CDKAL1: variants seen among roughly 807,000 people sequenced by gnomAD.
CDKAL1 encodes the protein threonylcarbamoyladenosine tRNA methylthiotransferase.
CDKAL1 carries 32 observed loss-of-function variants against 68.2 expected under a neutral mutation model. The ratio of observed to expected loss-of-function variants is 0.47; its 90% CI spans 0.35 to 0.63. The LOEUF (loss-of-function observed/expected upper bound fraction) is 0.63. Among genes scored for constraint, CDKAL1 ranks in the 30% least tolerant of loss-of-function variants. The probability of loss-of-function intolerance (pLI) is 0.00; values close to 1 mark genes in which losing one functional copy is unlikely to be tolerated. For missense variants in CDKAL1, 606 were observed against 696.7 expected (o/e 0.87, Z 1.47); for synonymous variants, 234 against 244.3 (o/e 0.96, Z 0.39).
intron 4 of CDKAL1, among the ~76,000 whole-genome samples, chr6:20,638,616 T>TAA (rs1491571916): frequency 1.5e-3 from 3 of 1,974 alleles, no homozygotes; most frequent in African/African-American, 0.017. Context: ...TTAGAGATTC[T>TAA]TTTTTTTTTT....
chr6:20,839,621 G>T (rs1341760092), intron 8 of CDKAL1, among the ~76,000 whole-genome samples: 1 of 152,074 alleles, frequency 6.6e-6, no homozygotes, highest in Admixed American at 6.6e-5. Context: ...TTTATACCCT[G>T]TGTAGGGTCC....
At chr6:20,678,057 G>A (rs1770198232) in intron 5 of CDKAL1, among the ~76,000 whole-genome samples, 1 of 149,466 alleles carries the variant, frequency 6.7e-6, no homozygotes, top group African/African-American at 2.5e-5. Context: ...CTGTTATTAG[G>A]TAGTAACACT....
intron 4 of CDKAL1, among the ~76,000 whole-genome samples, chr6:20,584,383 G>A (rs765219947): frequency 4.1e-4 from 63 of 152,208 alleles, no homozygotes; most frequent in Non-Finnish European, 6.6e-4. Context: ...GTGTCTGAGA[G>A]GTGAGTTAAA....
intron 4 of CDKAL1, among the ~76,000 whole-genome samples, chr6:20,608,926 A>G (rs1168894056): frequency 6.6e-6 from 1 of 152,212 alleles, no homozygotes; most frequent in African/African-American, 2.4e-5. Context: ...TCTTTTCACA[A>G]TGAGGCAAAA....
At chr6:20,696,503 A>G (rs908239105) in intron 5 of CDKAL1, among the ~76,000 whole-genome samples, 2 of 152,258 alleles carry the variant, frequency 1.3e-5, no homozygotes, top group East Asian at 3.8e-4. Flanking sequence ...GTGTAAAACT[A>G]GAATACAGAC....
chr6:20,782,481 C>G (rs1354557502), intron 8 of CDKAL1, among the ~76,000 whole-genome samples: 1 of 152,082 alleles, frequency 6.6e-6, no homozygotes, highest in African/African-American at 2.4e-5. Flanking sequence ...GTTTGCTTTC[C>G]CCTTCCTCAG....
chr6:20,994,722 T>C (rs1192531101), intron 10 of CDKAL1, among the ~76,000 whole-genome samples: 1 of 152,204 alleles, frequency 6.6e-6, no homozygotes, highest in Admixed American at 6.5e-5. Flanking sequence ...TATATTATAG[T>C]CTAGTAAGTA....
At chr6:20,832,765 T>C (rs1312287884) in intron 8 of CDKAL1, among the ~76,000 whole-genome samples, 1 of 152,236 alleles carries the variant, frequency 6.6e-6, no homozygotes, top group Non-Finnish European at 1.5e-5. Context: ...AGTTTTTATT[T>C]AGATGTATAA....
chr6:20,552,841 G>C (rs1763887891), intron 4 of CDKAL1, among the ~76,000 whole-genome samples: 1 of 152,080 alleles, frequency 6.6e-6, no homozygotes, highest in Non-Finnish European at 1.5e-5. Flanking sequence ...AGACATTTAA[G>C]AAGTAAATCT....
Position 20,786,524 on chromosome 6 carries a change from G to A in CDKAL1, c.638+5259G>A, listed in dbSNP as rs553025380. Among the ~76,000 whole-genome samples the A allele has an allele frequency of 6.7e-4, 77 of 114,362 alleles. 1 individual carries two copies. In the South Asian group the frequency reaches 0.022, roughly 33 times the overall value. The allele number at this position is 114,362 out of a possible 152,430, so 75.0% of individuals were successfully genotyped here. A position where few individuals can be genotyped will look rare whatever the true frequency, so the allele number is the denominator to read the frequency against. On this transcript the variant is annotated intron_variant, in intron 8 of 15. Coordinates refer to ENST00000274695, the MANE Select transcript of CDKAL1 (RefSeq NM_017774.3). Reference sequence around the variant, plus strand: ...TTTTTTTTTTTTTTTTTGAGATGGAGTCTCGCTCTGTCACCCAGGCTGGAG... The same window carrying A: ...TTTTTTTTTTTTTTTTTGAGATGGAATCTCGCTCTGTCACCCAGGCTGGAG...
intron 4 of CDKAL1, among the ~76,000 whole-genome samples, chr6:20,552,934 AT>A (rs1235361358): frequency 6.6e-6 from 1 of 152,230 alleles, no homozygotes; most frequent in Non-Finnish European, 1.5e-5. Flanking sequence ...CTATGGAATA[AT>A]GAGAATGTAT....
intron 7 of CDKAL1, among the ~76,000 whole-genome samples, chr6:20,771,796 C>T (rs1774955427): frequency 1.3e-5 from 2 of 152,064 alleles, no homozygotes; most frequent in South Asian, 4.2e-4. Flanking sequence ...CCTACTCTCC[C>T]CGTGTGACAG....
chr6:21,138,172 T>G (rs1775711453), intron 13 of CDKAL1, among the ~76,000 whole-genome samples: 1 of 152,190 alleles, frequency 6.6e-6, no homozygotes, highest in South Asian at 2.1e-4. Context: ...AAGAAGATGG[T>G]TCTTCCAAAT....
At chr6:20,836,634 T>C (rs1042935113) in intron 8 of CDKAL1, among the ~76,000 whole-genome samples, 27 of 152,170 alleles carry the variant, frequency 1.8e-4, no homozygotes, top group Non-Finnish European at 3.2e-4. Flanking sequence ...ATGCATTTTT[T>C]CCCTTTTCCA....
chr6:21,227,456 A>G (rs1779793264), intron 15 of CDKAL1, among the ~76,000 whole-genome samples: 1 of 152,268 alleles, frequency 6.6e-6, no homozygotes, highest in South Asian at 2.1e-4. Context: ...TAAAAATAGT[A>G]TCATCAAAAT....
At chr6:20,729,682 G>C (rs1772818773) in intron 5 of CDKAL1, among the ~76,000 whole-genome samples, 2 of 152,218 alleles carry the variant, frequency 1.3e-5, no homozygotes, top group Admixed American at 6.5e-5. Flanking sequence ...GAAGCAGAGA[G>C]AGGTTAAGTA....
chr6:20,609,376 T>TCTCCTTCTC (rs763139063), intron 4 of CDKAL1, among the ~76,000 whole-genome samples: 1 of 53,536 alleles, frequency 1.9e-5, no homozygotes, highest in Non-Finnish European at 3.3e-5. Flanking sequence ...TCCTTCTCCT[T>TCTCCTTCTC]CTTCTTCTTC....
At chr6:21,137,648 A>G (rs1775678360) in intron 13 of CDKAL1, among the ~76,000 whole-genome samples, 1 of 152,186 alleles carries the variant, frequency 6.6e-6, no homozygotes, top group Admixed American at 6.5e-5. Context: ...TTCTATATTA[A>G]CGAGTCTATT....
chr6:20,772,818 T>C (rs1234107037), intron 7 of CDKAL1: 1 of 152,186 alleles, frequency 6.6e-6, no homozygotes, highest in African/African-American at 2.4e-5. Flanking sequence ...GGATTTAAAC[T>C]GTGTACTGTG....
Sources: gnomAD v4.1 joint callset for allele counts (sites outside exome capture counted in the v4.1 genomes callset) on GRCh38, gnomAD v4.1.1 for gene constraint, MANE v1.5 for transcripts, NCBI Gene and HGNC (gene_info 2026-07-23, HGNC 2026-07-21) for gene names.